PEAK1: variants seen among roughly 807,000 people sequenced by gnomAD.
PEAK1 encodes the protein pseudopodium enriched atypical kinase 1, also known as inactive tyrosine-protein kinase PEAK1.
Under a neutral mutation model 124.7 loss-of-function variants are expected in PEAK1, and 54 were observed. The observed-to-expected ratio is 0.43, with a 90% CI of 0.35 to 0.54. The LOEUF (loss-of-function observed/expected upper bound fraction) is 0.54. Ranked by LOEUF, PEAK1 falls within the 20% of genes least tolerant of loss-of-function variation. The pLI, the probability that PEAK1 is intolerant of heterozygous loss-of-function variation, is 0.01. For missense variants in PEAK1, 2,046 were observed against 2,134.5 expected (o/e 0.96, Z 0.82); for synonymous variants, 719 against 760.0 (o/e 0.95, Z 0.89).
intron 1 of PEAK1, among the ~76,000 whole-genome samples, chr15:77,414,954 G>T (rs756060903): frequency 1.3e-5 from 2 of 152,150 alleles, no homozygotes; most frequent in Non-Finnish European, 2.9e-5. Context: ...TCAACCAACT[G>T]TCCTTCAGAT....
chr15:77,401,017 T>A lies in PEAK1; in HGVS notation c.-666+18989A>T, dbSNP rs201013467. ...ATCTTGTGTATTGTTTATGTCAGAA[T>A]AACTGACAAAACATTTAGAGCCAAC... On this transcript the variant is annotated intron_variant, in intron 1 of 9. Coordinates refer to ENST00000682557, the MANE Select transcript of PEAK1 (RefSeq NM_001385026.1). 4.6e-5 allele frequency among the ~76,000 whole-genome samples: 7 copies of A among 152,242 alleles called. No homozygotes were observed. In the East Asian group the frequency reaches 1.4e-3, roughly 29 times the overall value.
At chr15:77,128,679 T>C (rs1271822346) in intron 9 of PEAK1, among the ~76,000 whole-genome samples, 2 of 152,226 alleles carry the variant, frequency 1.3e-5, no homozygotes, top group Non-Finnish European at 2.9e-5. Context: ...TTCTGATTTC[T>C]TTCTCTTGGA....
intron 1 of PEAK1, chr15:77,401,723 G>A (rs2071391781): frequency 2.0e-6 from 2 of 984,506 alleles, no homozygotes; most frequent in African/African-American, 3.5e-5. Flanking sequence ...AATGCAATTT[G>A]GTATACATTA....
intron 7 of PEAK1, among the ~76,000 whole-genome samples, chr15:77,176,367 G>A (rs1413642826): frequency 6.6e-6 from 1 of 150,746 alleles, no homozygotes; most frequent in African/African-American, 2.4e-5. Flanking sequence ...GCTTTACTCA[G>A]ACTATAGCAT....
intron 7 of PEAK1, among the ~76,000 whole-genome samples, chr15:77,168,380 G>C (rs1157000348): frequency 6.6e-6 from 1 of 151,998 alleles, no homozygotes; most frequent in African/African-American, 2.4e-5. Context: ...TGATATTATG[G>C]CTTACCAGGG....
At chr15:77,401,462 T>A (rs866319063) in intron 1 of PEAK1, 6 of 918,862 alleles carry the variant, frequency 6.5e-6, no homozygotes, top group Non-Finnish European at 7.8e-6. Context: ...CCAGACACCA[T>A]GACAGTCAAT....
chr15:77,417,320 C>A, intron 1 of PEAK1: 1 of 976,436 alleles, frequency 1.0e-6, no homozygotes, highest in Non-Finnish European at 1.2e-6. Context: ...CAAATGTAAA[C>A]TATCTATTCC....
rs117177147 is a variant in PEAK1, at chr15:77,135,412, G to A, written c.3332-1662C>T. Among the ~76,000 whole-genome samples, 103 of 152,226 alleles carry A rather than the reference G, an allele frequency of 6.8e-4. 1 individual carries two copies. The East Asian group carries it at 0.017, about 26-fold the overall frequency. ...GAGAGTTAGGCAATCTCATAATTACGCAAAAATCATAGAGTGTACTTACAC... is the reference window on the plus strand; with the variant it reads ...GAGAGTTAGGCAATCTCATAATTACACAAAAATCATAGAGTGTACTTACAC... On this transcript the variant is annotated intron_variant, in intron 8 of 9. Coordinates refer to ENST00000682557, the MANE Select transcript of PEAK1 (RefSeq NM_001385026.1).
intron 7 of PEAK1, among the ~76,000 whole-genome samples, chr15:77,168,237 G>GCGCACACACACA (rs1555428545): frequency 6.0e-4 from 89 of 147,278 alleles, no homozygotes; most frequent in East Asian, 1.8e-3. Flanking sequence ...ATGTGCGCGC[G>GCGCACACACACA]CACACACACA....
intron 2 of PEAK1, among the ~76,000 whole-genome samples, chr15:77,307,846 A>G (rs942331880): frequency 3.3e-5 from 5 of 152,024 alleles, no homozygotes; most frequent in African/African-American, 1.2e-4. Context: ...AATTTTGAGT[A>G]TATAGGCTGG....
At chr15:77,419,226 T>C (rs993754006) in intron 1 of PEAK1, 10 of 985,096 alleles carry the variant, frequency 1.0e-5, no homozygotes, top group Non-Finnish European at 3.6e-6. Context: ...TCTCTCCCGG[T>C]GCTCTCAGCA....
rs142969917 is a variant in PEAK1 at position 77,115,967 on chromosome 15, C to A, written c.4078-648G>T. Among the ~76,000 whole-genome samples the A allele has an allele frequency of 4.6e-3, 707 of 152,264 alleles. 4 individuals carry two copies. The highest frequency in any genetic ancestry group is 0.016 in the African/African-American group (657 of 41,546). On this transcript the variant is annotated intron_variant, in intron 9 of 9. Transcript: ENST00000682557. Reference sequence around the variant, plus strand: ...CTGGTCTGACCTAGTCAGAACAAAGCCAACATTTCAATGGTGGTTTTCTGA... The same window carrying A: ...CTGGTCTGACCTAGTCAGAACAAAGACAACATTTCAATGGTGGTTTTCTGA...
At chr15:77,165,492 C>T (rs761455882) in intron 7 of PEAK1, among the ~76,000 whole-genome samples, 6 of 152,146 alleles carry the variant, frequency 3.9e-5, no homozygotes, top group Non-Finnish European at 7.3e-5. Flanking sequence ...CCACTGCGCC[C>T]GACCCTTGGA....
In PEAK1 at chr15:77,409,319, G is replaced by A. The variant is rs188826754; in HGVS notation, c.-666+10687C>T. Among the ~76,000 whole-genome samples the A allele has an allele frequency of 3.3e-5, 5 of 152,162 alleles. No individual in the cohort carries two copies. The East Asian group carries it at 9.7e-4, about 29-fold the overall frequency. On this transcript the variant is annotated intron_variant, in intron 1 of 9. Coordinates refer to ENST00000682557, the MANE Select transcript of PEAK1 (RefSeq NM_001385026.1). The stretch of plus-strand genomic sequence containing the variant: ...TACTATGCTTCAGGCATTATTTTAA[G>A]TACTTTTCAAATATGAGCTCATTAA...
chr15:77,298,597 G>A (rs1413648953), intron 2 of PEAK1, among the ~76,000 whole-genome samples: 3 of 151,928 alleles, frequency 2.0e-5, no homozygotes, highest in Non-Finnish European at 1.5e-5. Flanking sequence ...ATTGCTGGAC[G>A]AAACATAATA....
At chr15:77,392,225 T>C (rs926284495) in intron 1 of PEAK1, among the ~76,000 whole-genome samples, 2 of 152,166 alleles carry the variant, frequency 1.3e-5, no homozygotes, top group Non-Finnish European at 2.9e-5. Context: ...ATGGAAATAA[T>C]AGAACCACTG....
At position 77,179,417 on chromosome 15, in the gene PEAK1, C is replaced by T; in HGVS notation, c.2510G>A (p.Ser837Asn). 1 of 1,614,094 alleles carries T rather than the reference C, an allele frequency of 6.2e-7. No individual in the cohort carries two copies. The highest frequency in any genetic ancestry group is 8.5e-7 in the Non-Finnish European group (1 of 1,180,026). ...GTCTTTCTGTACTTTGGTGGTAGGA[C>T]TGTCTGTGGTCTGAGGTGCTTCAGC... The part of the protein sequence containing the change: ...GEAEAPQTTD[S>N]PTTKVQKDPS... Residue 837 changes from serine (S) to asparagine (N), a missense_variant, in exon 7 of 10, where the codon AGT (serine) becomes AAT (asparagine). Transcript: ENST00000682557.
chr15:77,418,739 T>C (rs952518724), intron 1 of PEAK1: 1 of 985,426 alleles, frequency 1.0e-6, no homozygotes, highest in Non-Finnish European at 1.2e-6. Context: ...TTTACCCCGG[T>C]GGATAATTCA....
At chr15:77,282,642 T>A (rs2062731087) in intron 5 of PEAK1, among the ~76,000 whole-genome samples, 1 of 152,146 alleles carries the variant, frequency 6.6e-6, no homozygotes, top group South Asian at 2.1e-4. Context: ...AAAAGCCCAG[T>A]CATCTTGAAA....
Sources: gnomAD v4.1 joint callset for allele counts (sites outside exome capture counted in the v4.1 genomes callset) on GRCh38, gnomAD v4.1.1 for gene constraint, MANE v1.5 for transcripts, NCBI Gene and HGNC (gene_info 2026-07-23, HGNC 2026-07-21) for gene names.